WSB1: variants seen among roughly 807,000 people sequenced by gnomAD.
The protein encoded by WSB1 is WD repeat and SOCS box containing 1, also known as WD repeat and SOCS box-containing protein 1.
Under a neutral mutation model 50.2 loss-of-function variants are expected in WSB1, and 23 were observed. The ratio of observed to expected loss-of-function variants is 0.46; its 90% CI spans 0.33 to 0.65. The LOEUF (loss-of-function observed/expected upper bound fraction) is 0.65. WSB1 is among the 30% of genes least tolerant of loss of function. The pLI, the probability that WSB1 is intolerant of heterozygous loss-of-function variation, is 0.02. For synonymous variants in WSB1, 179 were observed against 172.0 expected, an observed-to-expected ratio of 1.04 and a Z score of -0.32; for missense variants, 492 against 522.3, an observed-to-expected ratio of 0.94 and a Z score of 0.56.
intron 3 of WSB1, among the ~76,000 whole-genome samples, chr17:27,304,393 A>G (rs930165688): frequency 3.9e-5 from 6 of 152,064 alleles, no homozygotes; most frequent in African/African-American, 7.2e-5. Context: ...GGCCAGGGAA[A>G]TAACAAGCAA....
At chr17:27,307,452 C>G (rs2017507568) in intron 5 of WSB1, 1 of 461,826 alleles carries the variant, frequency 2.2e-6, no homozygotes, top group Non-Finnish European at 3.9e-6. Context: ...TTTACCAGCT[C>G]TGTTAGTATA....
At chr17:27,301,625 T>A in intron 1 of WSB1, 163 bp from the exon 2 acceptor site, 1 of 527,844 alleles carries the variant, frequency 1.9e-6, no homozygotes, top group South Asian at 3.3e-5. Context: ...CGTTAAGGGG[T>A]CTTCATATAC....
At chr17:27,305,914 G>T (rs1369775291) in intron 4 of WSB1, among the ~76,000 whole-genome samples, 2 of 152,232 alleles carry the variant, frequency 1.3e-5, no homozygotes, top group Non-Finnish European at 2.9e-5. Context: ...TAAAATATAA[G>T]CTCCAAGATA....
At chr17:27,298,581 G>A (rs867537089) in intron 1 of WSB1, among the ~76,000 whole-genome samples, 13 of 151,948 alleles carry the variant, frequency 8.6e-5, no homozygotes, top group Non-Finnish European at 1.8e-4. Flanking sequence ...TGCCGGGTGC[G>A]GTGGCTCACA....
chr17:27,302,623 C>T (rs1319620280), intron 2 of WSB1: 1 of 152,008 alleles, frequency 6.6e-6, no homozygotes, highest in Non-Finnish European at 1.5e-5. Flanking sequence ...AGGGGTTTCA[C>T]CGTGTTGGCC....
rs1166981269 is a variant in WSB1, at chr17:27,315,766, AAAAC to A, written c.*3401_*3404del. ...TTTAACTAGCAAGTGTGTGGACTAT[AAAAC>A]AAATATCTAGAGTTATATATGGATG... On this transcript the variant is annotated 3_prime_UTR_variant, in exon 9 of 9. Coordinates refer to ENST00000262394, the MANE Select transcript of WSB1 (RefSeq NM_015626.10). The A allele has an allele frequency of 4.6e-5, 7 of 152,274 alleles. No individual in the cohort carries two copies. The highest frequency in any genetic ancestry group is 1.9e-4 in the East Asian group (1 of 5,208). The allele number at this position is 152,274 out of a possible 1,614,324, so 9.4% of individuals were successfully genotyped here.
chr17:27,298,645 G>A (rs2017092444), intron 1 of WSB1, among the ~76,000 whole-genome samples: 1 of 152,116 alleles, frequency 6.6e-6, no homozygotes, highest in Non-Finnish European at 1.5e-5. Context: ...AAGGTCAGTA[G>A]TTCGAGACCA....
intron 8 of WSB1, 32 bp downstream of exon 8, chr17:27,311,648 T>G (rs1324038131): frequency 6.8e-7 from 1 of 1,461,524 alleles, no homozygotes; most frequent in Non-Finnish European, 9.1e-7. Context: ...TTTTTTTTTT[T>G]TTTTTTTTTT....
In WSB1 at chr17:27,304,665, T is replaced by G. The variant is rs147622158; in HGVS notation, c.479-115T>G. ...AGGTCGAGGCTGTAGTGAGCCAAGA[T>G]TACGCCATTGCACTCCAGCCTGAGT... is the stretch of plus-strand genomic sequence containing the variant. On this transcript the variant is annotated intron_variant, in intron 3 of 8. Coordinates refer to ENST00000262394, the MANE Select transcript of WSB1 (RefSeq NM_015626.10). The G allele has an allele frequency of 1.1e-4, 115 of 1,028,538 alleles. 1 individual carries two copies. In the African/African-American group the frequency reaches 1.5e-3, roughly 13 times the overall value. The allele number at this position is 1,028,538 out of a possible 1,614,324, so 63.7% of individuals were successfully genotyped here. A position where few individuals can be genotyped will look rare whatever the true frequency, so the allele number is the denominator to read the frequency against.
intron 7 of WSB1, among the ~76,000 whole-genome samples, chr17:27,310,727 T>TC (rs939521402): frequency 6.6e-6 from 1 of 151,984 alleles, no homozygotes; most frequent in African/African-American, 2.4e-5. Flanking sequence ...AGGTTTTTTT[T>TC]GTTTGTTTGT....
intron 4 of WSB1, among the ~76,000 whole-genome samples, 173 bp from the exon 5 acceptor site, chr17:27,306,609 T>C (rs965833285): frequency 3.3e-5 from 5 of 152,222 alleles, no homozygotes; most frequent in Non-Finnish European, 5.9e-5. Context: ...TGGACAGGAT[T>C]GTGTTCCAGT....
chr17:27,310,207 C>G (rs1318055738), intron 7 of WSB1, 33 bp downstream of exon 7: 1 of 1,589,598 alleles, frequency 6.3e-7, no homozygotes, highest in Non-Finnish European at 8.6e-7. Flanking sequence ...GACTGACTTA[C>G]TATTACCTTT....
chr17:27,310,572 C>T (rs2017639259), intron 7 of WSB1, among the ~76,000 whole-genome samples: 1 of 152,212 alleles, frequency 6.6e-6, no homozygotes, highest in African/African-American at 2.4e-5. Flanking sequence ...TGAAATGTCA[C>T]ATGAATGATA....
Position 27,309,379 on chromosome 17 carries a change from A to T in WSB1, c.884+107A>T, listed in dbSNP as rs1036658841. 3.0e-6 allele frequency: 3 copies of T among 1,003,792 alleles called. No homozygotes were observed. The African/African-American group carries it at 4.8e-5, about 16-fold the overall frequency. 62.2% of individuals were successfully genotyped at this position (1,003,792 alleles called of 1,614,324 possible). ...GCAACCTAAAATTACAGTCTATTCT[A>T]ATTTAAAATGTTGGTATTATTTAAG... On this transcript the variant is annotated intron_variant, in intron 6 of 8. Transcript: ENST00000262394.
chr17:27,294,123 T>G lies in WSB1; in HGVS notation c.-273T>G. The stretch of plus-strand genomic sequence containing the variant: ...CCGCCATTTTGACTCCAGTGTCTCG[T>G]TTGCAGTCGGCGCTTTAGGGGAACT... On this transcript the variant is annotated 5_prime_UTR_variant, in exon 1 of 9. Transcript: ENST00000262394. 1 of 293,096 alleles carries G rather than the reference T, an allele frequency of 3.4e-6. No individual in the cohort carries two copies. The allele number at this position is 293,096 out of a possible 1,614,324, so 18.2% of individuals were successfully genotyped here. A position where few individuals can be genotyped will look rare whatever the true frequency, so the allele number is the denominator to read the frequency against.
chr17:27,304,668 C>T (rs746376821), intron 3 of WSB1, 112 bp from the exon 4 acceptor site: 74 of 1,057,532 alleles, frequency 7.0e-5, no homozygotes, highest in Admixed American at 1.3e-4. Flanking sequence ...GCCAAGATTA[C>T]GCCATTGCAC....
intron 1 of WSB1, among the ~76,000 whole-genome samples, chr17:27,296,246 CT>C (rs796691556): frequency 4.2e-4 from 62 of 146,340 alleles, no homozygotes; most frequent in South Asian, 2.6e-3. Context: ...TCTTTTCTTT[CT>C]TTTTTTTTTT....
rs1430637573 is a variant in WSB1 at position 27,313,458 on chromosome 17, CTG to C, written c.*1091_*1092del. The C allele has an allele frequency of 1.3e-5, 2 of 150,354 alleles. No homozygotes were observed. Among genetic ancestry groups the C allele is most frequent in the African/African-American group, 2.4e-5 (1 of 40,880 alleles). 9.3% of individuals were successfully genotyped at this position (150,354 alleles called of 1,614,324 possible). A position where few individuals can be genotyped will look rare whatever the true frequency, so the allele number is the denominator to read the frequency against. On this transcript the variant is annotated 3_prime_UTR_variant, in exon 9 of 9. Transcript: ENST00000262394. Reference sequence around the variant, plus strand: ...GGATTTAAAAAAAAAAAAAAAAACTCTGTTTCTGCAGGGGATGATATTGGTGA... The same window carrying C: ...GGATTTAAAAAAAAAAAAAAAAACTCTTTCTGCAGGGGATGATATTGGTGA...
At chr17:27,306,165 C>G (rs1174818955) in intron 4 of WSB1, among the ~76,000 whole-genome samples, 1 of 125,220 alleles carries the variant, frequency 8.0e-6, no homozygotes, top group Non-Finnish European at 1.7e-5. Context: ...AGTTGCTTAA[C>G]TTTTAAAATA....
Sources: gnomAD v4.1 joint callset for allele counts (sites outside exome capture counted in the v4.1 genomes callset) on GRCh38, gnomAD v4.1.1 for gene constraint, MANE v1.5 for transcripts, NCBI Gene and HGNC (gene_info 2026-07-23, HGNC 2026-07-21) for gene names.